GRIA1: variants seen among roughly 807,000 people sequenced by gnomAD.
The protein encoded by GRIA1 is glutamate receptor 1.
In GRIA1, 31 loss-of-function variants were observed where a neutral mutation model predicts 99.2. That is an observed-to-expected ratio of 0.31 (90% CI 0.23 to 0.42). The LOEUF (loss-of-function observed/expected upper bound fraction) is 0.42, where lower values mean the gene tolerates loss of function less well. GRIA1 is among the 10% of genes least tolerant of loss of function. The pLI is 1.00. For missense variants in GRIA1, 782 were observed against 1,157.5 expected (o/e 0.68, Z 4.71); for synonymous variants, 438 against 432.4 (o/e 1.01, Z -0.16).
intron 5 of GRIA1, among the ~76,000 whole-genome samples, chr5:153,665,059 G>A (rs1406711503): frequency 6.6e-6 from 1 of 152,224 alleles, no homozygotes; most frequent in African/African-American, 2.4e-5. Flanking sequence ...TTGGCCAGGT[G>A]TCATTCCTGA....
At chr5:153,639,629 C>T (rs913468291) in intron 2 of GRIA1, among the ~76,000 whole-genome samples, 2 of 152,172 alleles carry the variant, frequency 1.3e-5, no homozygotes, top group African/African-American at 4.8e-5. Flanking sequence ...TTGTAATATT[C>T]GCAGCATCCA....
At chr5:153,518,387 C>T (rs745977375) in intron 2 of GRIA1, among the ~76,000 whole-genome samples, 9 of 152,164 alleles carry the variant, frequency 5.9e-5, no homozygotes, top group Non-Finnish European at 1.0e-4. Context: ...TTAGCACAGA[C>T]TAAGTGCTTA....
intron 2 of GRIA1, among the ~76,000 whole-genome samples, chr5:153,535,677 G>A (rs1227984351): frequency 6.6e-6 from 1 of 152,180 alleles, no homozygotes; most frequent in African/African-American, 2.4e-5. Flanking sequence ...TCTATGAATG[G>A]CAGCTGGTCA....
At chr5:153,496,722 G>A (rs1317670308) in intron 2 of GRIA1, among the ~76,000 whole-genome samples, 1 of 152,184 alleles carries the variant, frequency 6.6e-6, no homozygotes, top group East Asian at 1.9e-4. Context: ...GAGCAAAGCA[G>A]TTTTAGGAAG....
chr5:153,567,605 G>GTTCC (rs33934933), intron 2 of GRIA1, among the ~76,000 whole-genome samples: 150,752 of 152,284 alleles, frequency 0.99, 74,646 homozygotes, highest in South Asian at 1. Context: ...ACTGCCAAAT[G>GTTCC]TCAGAGAGAA....
chr5:153,745,508 G>GAACCCAGGAGGCAGAGGT (rs1327440913), intron 11 of GRIA1, among the ~76,000 whole-genome samples: 4 of 145,596 alleles, frequency 2.7e-5, no homozygotes, highest in African/African-American at 1.0e-4. Flanking sequence ...AGAATTGCTT[G>GAACCCAGGAGGCAGAGGT]AACCCAGGAG....
intron 2 of GRIA1, among the ~76,000 whole-genome samples, chr5:153,643,878 C>T (rs762548821): frequency 2.0e-5 from 3 of 152,174 alleles, no homozygotes; most frequent in Admixed American, 2.0e-4. Flanking sequence ...GCTCCCATTT[C>T]GTCCACCCCC....
At chr5:153,780,693 A>G (rs1764574272) in intron 13 of GRIA1, among the ~76,000 whole-genome samples, 1 of 152,226 alleles carries the variant, frequency 6.6e-6, no homozygotes, top group Non-Finnish European at 1.5e-5. Flanking sequence ...TCTTGTGAAT[A>G]CAATGAATCC....
chr5:153,737,346 A>G (rs1301293708), intron 11 of GRIA1, among the ~76,000 whole-genome samples: 1 of 150,910 alleles, frequency 6.6e-6, no homozygotes, highest in Non-Finnish European at 1.5e-5. Flanking sequence ...ATATGAAACA[A>G]TTTGGAGCTC....
At chr5:153,572,731 C>T (rs1762220876) in intron 2 of GRIA1, among the ~76,000 whole-genome samples, 1 of 152,174 alleles carries the variant, frequency 6.6e-6, no homozygotes, top group Non-Finnish European at 1.5e-5. Context: ...AGATGCAAAG[C>T]TCAGGGGACG....
chr5:153,577,033 G>T lies in GRIA1; in HGVS notation c.221-69895G>T, dbSNP rs1362617921. Among the ~76,000 whole-genome samples the T allele has an allele frequency of 3.3e-4, 44 of 132,702 alleles. 3 individuals carry two copies. The highest frequency in any genetic ancestry group is 7.1e-3 in the Middle Eastern group (2 of 282). The allele number at this position is 132,702 out of a possible 152,430, so 87.1% of individuals were successfully genotyped here. ...GGATGGATGGATGGATAAGTGGGTA[G>T]ATGAATGGGTGGATGGATGGATGGA... On this transcript the variant is annotated intron_variant, in intron 2 of 15. Coordinates refer to ENST00000285900, the MANE Select transcript of GRIA1 (RefSeq NM_000827.4).
chr5:153,581,097 A>C (rs988441298), intron 2 of GRIA1, among the ~76,000 whole-genome samples: 1 of 151,982 alleles, frequency 6.6e-6, no homozygotes, highest in Non-Finnish European at 1.5e-5. Context: ...ACGGCTTCCT[A>C]CTCTCCCGTT....
At chr5:153,616,638 T>C (rs1352044806) in intron 2 of GRIA1, among the ~76,000 whole-genome samples, 2 of 152,222 alleles carry the variant, frequency 1.3e-5, no homozygotes, top group Admixed American at 6.5e-5. Context: ...GCACAGCCCC[T>C]AGCATATAGT....
At chr5:153,744,066 G>C (rs1382418014) in intron 11 of GRIA1, among the ~76,000 whole-genome samples, 1 of 152,128 alleles carries the variant, frequency 6.6e-6, no homozygotes, top group East Asian at 1.9e-4. Flanking sequence ...GAAGTTGAAG[G>C]TTCCTTGGTG....
At chr5:153,643,363 G>A (rs894931697) in intron 2 of GRIA1, among the ~76,000 whole-genome samples, 3 of 152,180 alleles carry the variant, frequency 2.0e-5, no homozygotes, top group Admixed American at 2.0e-4. Flanking sequence ...ACCAAAAAGA[G>A]AATCGTCCAG....
chr5:153,745,278 A>AAGTT (rs1349587212), intron 11 of GRIA1, among the ~76,000 whole-genome samples: 4 of 140,346 alleles, frequency 2.9e-5, no homozygotes, highest in East Asian at 5.3e-4. Context: ...GCCTCCCATC[A>AAGTT]AGTTAGAAAT....
intron 2 of GRIA1, among the ~76,000 whole-genome samples, chr5:153,596,467 G>A (rs1248587353): frequency 6.6e-6 from 1 of 152,166 alleles, no homozygotes; most frequent in African/African-American, 2.4e-5. Flanking sequence ...CTGTGAAAGA[G>A]GCAGTTACAA....
intron 2 of GRIA1, among the ~76,000 whole-genome samples, chr5:153,630,762 A>C (rs551185872): frequency 6.6e-6 from 1 of 152,300 alleles, no homozygotes; most frequent in African/African-American, 2.4e-5. Flanking sequence ...GTGGAGGAGA[A>C]GTAATCATCC....
At chr5:153,795,579 T>G in intron 14 of GRIA1, 2 of 1,600,608 alleles carry the variant, frequency 1.2e-6, no homozygotes, top group Non-Finnish European at 1.7e-6. Flanking sequence ...AAGCAAGGAC[T>G]CCGGAAGTAA....
Sources: gnomAD v4.1 joint callset for allele counts (sites outside exome capture counted in the v4.1 genomes callset) on GRCh38, gnomAD v4.1.1 for gene constraint, MANE v1.5 for transcripts, NCBI Gene and HGNC (gene_info 2026-07-23, HGNC 2026-07-21) for gene names.